Variants in SPAG16 observed in about 807,000 individuals in gnomAD.
SPAG16 encodes the protein sperm-associated antigen 16 protein.
In SPAG16, 86 loss-of-function variants were observed where a neutral mutation model predicts 80.4. The observed-to-expected ratio is 1.07, with a 90% CI of 0.90 to 1.28. The LOEUF (loss-of-function observed/expected upper bound fraction) is 1.28. Among genes scored for constraint, SPAG16 ranks in the 50% most tolerant of loss-of-function variants. The pLI, the probability that SPAG16 is intolerant of heterozygous loss-of-function variation, is 0.00. For missense variants in SPAG16, 870 were observed against 765.3 expected (o/e 1.14, Z -1.61); for synonymous variants, 294 against 265.9 (o/e 1.11, Z -1.03).
At chr2:214,199,000 T>C (rs577385992) in intron 15 of SPAG16, among the ~76,000 whole-genome samples, 1 of 152,304 alleles carries the variant, frequency 6.6e-6, no homozygotes, top group South Asian at 2.1e-4. Context: ...TTCTGGATAG[T>C]GGCCCTTTGT....
At chr2:213,443,361 A>G (rs1395445125) in intron 9 of SPAG16, among the ~76,000 whole-genome samples, 5 of 152,020 alleles carry the variant, frequency 3.3e-5, no homozygotes, top group African/African-American at 7.2e-5. Context: ...TCTGTTTTCA[A>G]CTTTTCTTTA....
intron 10 of SPAG16, among the ~76,000 whole-genome samples, chr2:213,776,836 C>CA (rs1001236381): frequency 8.6e-5 from 10 of 116,022 alleles, no homozygotes; most frequent in East Asian, 3.1e-4. Flanking sequence ...ACCCCCCCCC[C>CA]ACCCCAGGAC....
chr2:214,166,491 A>C (rs1024729853), intron 15 of SPAG16, among the ~76,000 whole-genome samples: 1 of 152,184 alleles, frequency 6.6e-6, no homozygotes, highest in African/African-American at 2.4e-5. Flanking sequence ...CTTACTCCTG[A>C]GACTGGTTCT....
At chr2:214,302,653 T>C (rs1334145086) in intron 15 of SPAG16, among the ~76,000 whole-genome samples, 1 of 152,084 alleles carries the variant, frequency 6.6e-6, no homozygotes, top group African/African-American at 2.4e-5. Flanking sequence ...GCTAATTTTT[T>C]TGTATTTTTA....
intron 12 of SPAG16, among the ~76,000 whole-genome samples, chr2:213,965,233 T>C (rs1177891322): frequency 6.6e-6 from 1 of 152,150 alleles, no homozygotes; most frequent in Non-Finnish European, 1.5e-5. Context: ...CAAATGACAG[T>C]GGTTTCAGCT....
chr2:213,340,161 A>C lies in SPAG16; in HGVS notation c.537-2A>C. 2 of 1,590,942 alleles carry C rather than the reference A, an allele frequency of 1.3e-6. No homozygotes were observed. The highest frequency in any genetic ancestry group is 1.7e-6 in the Non-Finnish European group (2 of 1,168,900). ...TTTATAAAGTTACTATTTTTTTTTC[A>C]GCAAAGCTAGAGAAGATTTGCTGAA... is the stretch of plus-strand genomic sequence containing the variant. On this transcript the variant is annotated splice_acceptor_variant, in intron 5 of 15. Transcript: ENST00000331683. LOFTEE classifies it high-confidence loss of function.
At chr2:214,137,003 A>G (rs138680855) in intron 14 of SPAG16, among the ~76,000 whole-genome samples, 6 of 152,282 alleles carry the variant, frequency 3.9e-5, no homozygotes, top group Non-Finnish European at 7.4e-5. Flanking sequence ...CCCATTTTGC[A>G]TAGCAGAATT....
At chr2:214,015,156 G>A (rs567895132) in intron 13 of SPAG16, among the ~76,000 whole-genome samples, 1 of 152,262 alleles carries the variant, frequency 6.6e-6, no homozygotes, top group South Asian at 2.1e-4. Context: ...GCCTAACATC[G>A]GAAGGTGAAG....
intron 15 of SPAG16, among the ~76,000 whole-genome samples, chr2:214,197,039 G>T (rs1234984923): frequency 6.6e-6 from 1 of 151,862 alleles, no homozygotes; most frequent in Non-Finnish European, 1.5e-5. Flanking sequence ...AATGGCCCTG[G>T]GATATTCAGT....
intron 11 of SPAG16, among the ~76,000 whole-genome samples, chr2:213,875,899 C>G (rs2076123053): frequency 6.6e-6 from 1 of 152,120 alleles, no homozygotes; most frequent in Non-Finnish European, 1.5e-5. Flanking sequence ...ATAAGACTTA[C>G]TGTAGTTACA....
intron 13 of SPAG16, among the ~76,000 whole-genome samples, chr2:214,060,039 G>A (rs1398148056): frequency 1.3e-5 from 2 of 152,122 alleles, no homozygotes; most frequent in Non-Finnish European, 1.5e-5. Context: ...GCAGGTGAGT[G>A]CAAGGTGACT....
intron 15 of SPAG16, among the ~76,000 whole-genome samples, chr2:214,250,433 T>A (rs1430316317): frequency 6.6e-6 from 1 of 151,296 alleles, no homozygotes; most frequent in Non-Finnish European, 1.5e-5. Context: ...GCAAAATGAA[T>A]GAATTCACAA....
intron 13 of SPAG16, among the ~76,000 whole-genome samples, chr2:214,052,691 A>T (rs1244615056): frequency 6.6e-6 from 1 of 152,204 alleles, no homozygotes; most frequent in Non-Finnish European, 1.5e-5. Context: ...TGCCAATTTT[A>T]ATTGCACTTT....
At chr2:214,001,766 GAAAGT>G (rs1275865139) in intron 12 of SPAG16, among the ~76,000 whole-genome samples, 1 of 152,098 alleles carries the variant, frequency 6.6e-6, no homozygotes, top group Admixed American at 6.5e-5. Context: ...ACTTTACACT[GAAAGT>G]AAAGTAAAAT....
intron 9 of SPAG16, among the ~76,000 whole-genome samples, chr2:213,392,981 T>A (rs2067841663): frequency 6.6e-6 from 1 of 152,228 alleles, no homozygotes. Context: ...TAAGCCAACA[T>A]ATTTATAATT....
intron 11 of SPAG16, among the ~76,000 whole-genome samples, chr2:213,903,905 C>T (rs1345377375): frequency 6.6e-6 from 1 of 152,158 alleles, no homozygotes; most frequent in African/African-American, 2.4e-5. Flanking sequence ...ATCTCTAGGG[C>T]AGGGGCAAAG....
chr2:214,000,981 C>G (rs562387487), intron 12 of SPAG16, among the ~76,000 whole-genome samples: 1 of 152,252 alleles, frequency 6.6e-6, no homozygotes, highest in East Asian at 1.9e-4. Context: ...TTGCCTTTGT[C>G]ATTAACTTTT....
chr2:213,400,608 T>G (rs1184474964), intron 9 of SPAG16, among the ~76,000 whole-genome samples: 1 of 152,198 alleles, frequency 6.6e-6, no homozygotes, highest in Admixed American at 6.5e-5. Context: ...TTCCTGTAGT[T>G]TTCATGATAT....
intron 1 of SPAG16, among the ~76,000 whole-genome samples, chr2:213,288,547 G>A (rs1035271257): frequency 6.6e-6 from 1 of 151,328 alleles, no homozygotes; most frequent in Admixed American, 6.6e-5. Flanking sequence ...TCCTGACTTC[G>A]TGATCCATCC....
Sources: gnomAD v4.1 joint callset for allele counts (sites outside exome capture counted in the v4.1 genomes callset) on GRCh38, gnomAD v4.1.1 for gene constraint, MANE v1.5 for transcripts, NCBI Gene and HGNC (gene_info 2026-07-23, HGNC 2026-07-21) for gene names.